The following CFAP95 variants were observed in gnomAD, a reference collection of about 807,000 sequenced individuals.
CFAP95 encodes cilia- and flagella-associated protein 95.
At chr9:69,902,499 G>A in the CFAP95 span, 4 of 313,574 alleles carry the variant, frequency 1.3e-5, no homozygotes, top group East Asian at 1.0e-4. Context: ...AGTACAAATC[G>A]GTGGTTATAT....
At chr9:69,860,946 G>A in the CFAP95 span, among the ~76,000 whole-genome samples, 1 of 152,104 alleles carries the variant, frequency 6.6e-6, no homozygotes, top group Non-Finnish European at 1.5e-5. Context: ...GGACCTGCCT[G>A]AGGCTGTTTT....
the CFAP95 span, among the ~76,000 whole-genome samples, chr9:69,859,279 C>T: frequency 1.2e-4 from 18 of 152,154 alleles, no homozygotes; most frequent in African/African-American, 3.9e-4. Context: ...ACTTTCCTCT[C>T]TGTTTCTTCA....
the CFAP95 span, among the ~76,000 whole-genome samples, chr9:69,880,147 A>C: frequency 2.0e-5 from 3 of 152,186 alleles, no homozygotes; most frequent in Admixed American, 6.5e-5. Flanking sequence ...AAACAATCCA[A>C]TTATACTCTT....
At chr9:69,890,372 G>T in the CFAP95 span, among the ~76,000 whole-genome samples, 1 of 152,106 alleles carries the variant, frequency 6.6e-6, no homozygotes, top group African/African-American at 2.4e-5. Context: ...TTGCAATTTT[G>T]TTCACTTACT....
chr9:69,823,538 A>G, the CFAP95 span, among the ~76,000 whole-genome samples: 2 of 152,218 alleles, frequency 1.3e-5, no homozygotes, highest in African/African-American at 2.4e-5. Flanking sequence ...TGATAGGATT[A>G]TTATAAGATT....
the CFAP95 span, among the ~76,000 whole-genome samples, chr9:69,853,470 T>C: frequency 3.4e-3 from 515 of 152,342 alleles, 2 homozygotes; most frequent in African/African-American, 0.011. Context: ...ATTATGTAAA[T>C]TAAATGGAAA....
chr9:69,824,949 C>T, the CFAP95 span, among the ~76,000 whole-genome samples: 329 of 152,294 alleles, frequency 2.2e-3, 1 homozygote, highest in African/African-American at 7.6e-3. Context: ...TCTGTGCTGA[C>T]TGTATTGCTG....
the CFAP95 span, among the ~76,000 whole-genome samples, chr9:69,835,104 G>T: frequency 6.6e-6 from 1 of 152,152 alleles, no homozygotes; most frequent in Non-Finnish European, 1.5e-5. Flanking sequence ...TAAAGTTCTA[G>T]ATAGCAGATG....
the CFAP95 span, among the ~76,000 whole-genome samples, chr9:69,841,971 C>T: frequency 6.6e-6 from 1 of 152,186 alleles, no homozygotes; most frequent in Non-Finnish European, 1.5e-5. Flanking sequence ...ATAGCCAAAC[C>T]ATATCAGGAC....
At chr9:69,867,763 G>C in the CFAP95 span, among the ~76,000 whole-genome samples, 1 of 152,208 alleles carries the variant, frequency 6.6e-6, no homozygotes, top group Non-Finnish European at 1.5e-5. Flanking sequence ...AAGCCACATG[G>C]AGGAGAATCA....
At chr9:69,867,385 A>T in the CFAP95 span, among the ~76,000 whole-genome samples, 1 of 152,198 alleles carries the variant, frequency 6.6e-6, no homozygotes, top group Non-Finnish European at 1.5e-5. Flanking sequence ...TACAGTAGCC[A>T]TTCAAGTTAT....
the CFAP95 span, among the ~76,000 whole-genome samples, chr9:69,843,974 G>A: frequency 6.6e-6 from 1 of 151,814 alleles, no homozygotes; most frequent in Non-Finnish European, 1.5e-5. Context: ...CAAGATGTTT[G>A]GTATATTTTT....
chr9:69,893,310 A>G, the CFAP95 span, among the ~76,000 whole-genome samples: 3 of 152,172 alleles, frequency 2.0e-5, no homozygotes, highest in Admixed American at 1.3e-4. Context: ...GGGTCAAGGG[A>G]GCTATCCCAT....
At chr9:69,870,892 G>A in the CFAP95 span, among the ~76,000 whole-genome samples, 1 of 152,078 alleles carries the variant, frequency 6.6e-6, no homozygotes, top group Non-Finnish European at 1.5e-5. Context: ...CAGGAGAGAA[G>A]GGCACCCTAG....
chr9:69,820,965 G>A, the CFAP95 span: 2 of 1,613,982 alleles, frequency 1.2e-6, no homozygotes, highest in African/African-American at 1.3e-5. Flanking sequence ...TTGGTGGAGC[G>A]CAAGGGCTCC....
chr9:69,841,040 G>A, the CFAP95 span, among the ~76,000 whole-genome samples: 1 of 150,802 alleles, frequency 6.6e-6, no homozygotes, highest in African/African-American at 2.4e-5. Context: ...GATCATTAGG[G>A]CCACATACTG....
the CFAP95 span, among the ~76,000 whole-genome samples, chr9:69,839,509 C>T: frequency 2.0e-5 from 3 of 152,110 alleles, no homozygotes; most frequent in Non-Finnish European, 4.4e-5. Context: ...TAACTGCAAC[C>T]TCTGCTTCCC....
chr9:69,837,028 AT>A, the CFAP95 span, among the ~76,000 whole-genome samples: 1 of 151,096 alleles, frequency 6.6e-6, no homozygotes, highest in Admixed American at 6.6e-5. Context: ...ATGATTTCCA[AT>A]TTCATCCATG....
chr9:69,895,175 A>ATAATGTAAG, the CFAP95 span, among the ~76,000 whole-genome samples: 1 of 152,266 alleles, frequency 6.6e-6, no homozygotes, highest in Admixed American at 6.5e-5. Context: ...ATTATTCCAA[A>ATAATGTAAG]TAATGTAAGT....
Sources: gnomAD v4.1 joint callset for allele counts (sites outside exome capture counted in the v4.1 genomes callset) on GRCh38, gnomAD v4.1.1 for gene constraint, MANE v1.5 for transcripts, NCBI Gene and HGNC (gene_info 2026-07-23, HGNC 2026-07-21) for gene names.